VAV2: variants seen among roughly 807,000 people sequenced by gnomAD.
VAV2 encodes the protein vav guanine nucleotide exchange factor 2.
In VAV2, 67 loss-of-function variants were observed where a neutral mutation model predicts 132.5. The ratio of observed to expected loss-of-function variants is 0.51; its 90% CI spans 0.42 to 0.62. VAV2 has a LOEUF of 0.62. VAV2 is among the 20% of genes least tolerant of loss of function. The pLI is 0.00. For synonymous variants in VAV2, 492 were observed against 443.5 expected (o/e 1.11, Z -1.37); for missense variants, 938 against 1,153.6 (o/e 0.81, Z 2.71).
At chr9:133,798,286 T>G (rs942572969) in intron 9 of VAV2, among the ~76,000 whole-genome samples, 2 of 152,150 alleles carry the variant, frequency 1.3e-5, no homozygotes, top group South Asian at 2.1e-4. Flanking sequence ...AGGGTCACCC[T>G]TGTTGCTTCC....
intron 24 of VAV2, among the ~76,000 whole-genome samples, chr9:133,775,384 C>T (rs111677339): frequency 0.013 from 1,971 of 152,280 alleles, 36 homozygotes; most frequent in African/African-American, 0.046. Context: ...AGGAGTTCAG[C>T]GTATTCAGTA....
Position 133,926,913 on chromosome 9 carries a change from C to T in VAV2, c.321+12190G>A, listed in dbSNP as rs1840498562. Among the ~76,000 whole-genome samples the T allele has an allele frequency of 1.3e-5, 2 of 152,216 alleles. No individual in the cohort carries two copies. Among genetic ancestry groups the T allele is most frequent in the Admixed American group, 6.5e-5 (1 of 15,292 alleles). Reference sequence around the variant, plus strand: ...ACTGTGGAGGGATGGGGAGGCCCAGCACCAGCCCTGGCCACAACTATAGCA... The same window carrying T: ...ACTGTGGAGGGATGGGGAGGCCCAGTACCAGCCCTGGCCACAACTATAGCA... On this transcript the variant is annotated intron_variant, in intron 2 of 29. Coordinates refer to ENST00000371850, the MANE Select transcript of VAV2 (RefSeq NM_001134398.2). This position sits in a 1 kb window ranked among gnomAD's most constrained non-coding sequence, Gnocchi z 4.3.
intron 1 of VAV2, among the ~76,000 whole-genome samples, chr9:133,951,639 C>T (rs1841564173): frequency 6.6e-6 from 1 of 152,100 alleles, no homozygotes; most frequent in South Asian, 2.1e-4. Flanking sequence ...AGTTTCCTCA[C>T]CTGTCAAGCA....
intron 3 of VAV2, among the ~76,000 whole-genome samples, chr9:133,836,322 ACCCCGCTGCCAGGACCAGCCCTGGGCTGT>A (rs1836471697): frequency 1.3e-5 from 2 of 150,876 alleles, no homozygotes; most frequent in East Asian, 3.9e-4. Flanking sequence ...GAGGCTTGAA[ACCCCGCTGCCAGGACCAGCCCTGGGCTGT>A]CCCCGCTCCC....
chr9:133,942,160 AC>A (rs1229858120), intron 1 of VAV2, among the ~76,000 whole-genome samples: 1 of 152,194 alleles, frequency 6.6e-6, no homozygotes, highest in Non-Finnish European at 1.5e-5. Context: ...TTACCACAAT[AC>A]AAAGATTAAT....
intron 1 of VAV2, among the ~76,000 whole-genome samples, chr9:133,963,988 G>A (rs1326948909): frequency 7.3e-6 from 1 of 137,042 alleles, no homozygotes; most frequent in Non-Finnish European, 1.6e-5. Flanking sequence ...TAGGTGATAA[G>A]AAGACTAGTA....
intron 2 of VAV2, among the ~76,000 whole-genome samples, chr9:133,874,542 G>A (rs1377426930): frequency 6.6e-6 from 1 of 152,172 alleles, no homozygotes; most frequent in East Asian, 1.9e-4. Context: ...CTGCCTCCAA[G>A]GTACAAGAAT....
intron 1 of VAV2, among the ~76,000 whole-genome samples, chr9:133,958,628 G>A (rs939482142): frequency 4.0e-5 from 6 of 151,032 alleles, no homozygotes; most frequent in African/African-American, 1.5e-4. Context: ...CTGGTTCCCC[G>A]GGCCCCCTTA....
rs772669766 is a variant in VAV2, at chr9:133,806,189, G to A, written c.736-8C>T. On this transcript the variant is annotated splice_region_variant and splice_polypyrimidine_tract_variant and intron_variant, in intron 8 of 29. Coordinates refer to ENST00000371850, the MANE Select transcript of VAV2 (RefSeq NM_001134398.2). ...ATGCACCTTGATCAGGTCCTGGGTT[G>A]AAAACCAGCCGTGAGTGCCTGGCCA... 6.2e-7 allele frequency: 1 copy of A among 1,609,292 alleles called. No homozygotes were observed. Among genetic ancestry groups the A allele is most frequent in the Non-Finnish European group, 8.5e-7 (1 of 1,178,708 alleles).
intron 2 of VAV2, among the ~76,000 whole-genome samples, chr9:133,903,339 C>T: frequency 6.6e-6 from 1 of 152,272 alleles, no homozygotes; most frequent in East Asian, 1.9e-4. Context: ...CTTCCTCTAC[C>T]CCACGCTGGG....
In VAV2 at chr9:133,918,285, G is replaced by A. The variant is rs543755122; in HGVS notation, c.321+20818C>T. On this transcript the variant is annotated intron_variant, in intron 2 of 29. Coordinates refer to ENST00000371850, the MANE Select transcript of VAV2 (RefSeq NM_001134398.2). This position sits in a 1 kb window ranked among gnomAD's most constrained non-coding sequence, Gnocchi z 4.7. ...AACAAAGGAGCGCACTCTCTGCGGC[G>A]GCAGAAAAGCGAACCAGAGAGCAGG... Among the ~76,000 whole-genome samples the A allele has an allele frequency of 3.9e-4, 59 of 152,274 alleles. No individual in the cohort carries two copies. The highest frequency in any genetic ancestry group is 1.3e-3 in the African/African-American group (52 of 41,560).
In VAV2 at chr9:133,863,299, C is replaced by T. The variant is rs917869012; in HGVS notation, c.322-1867G>A. 1.7e-4 allele frequency among the ~76,000 whole-genome samples: 26 copies of T among 152,218 alleles called. No homozygotes were observed. The highest frequency in any genetic ancestry group is 1.2e-4 in the Non-Finnish European group (8 of 68,030). ...TGGCTGATCAATCCCTCCGAGGAGC[C>T]GGGCGCAGGCCCAGAGCCCTCCTCC... On this transcript the variant is annotated intron_variant, in intron 2 of 29. Coordinates refer to ENST00000371850, the MANE Select transcript of VAV2 (RefSeq NM_001134398.2). The surrounding 1 kb of genome is among the most constrained non-coding windows in gnomAD (Gnocchi z 5.0).
intron 2 of VAV2, among the ~76,000 whole-genome samples, chr9:133,933,982 G>A (rs545035836): frequency 6.1e-5 from 9 of 147,858 alleles, no homozygotes; most frequent in African/African-American, 2.2e-4. Flanking sequence ...ATGGAAGGAT[G>A]GGTGAATGGG....
intron 2 of VAV2, among the ~76,000 whole-genome samples, chr9:133,866,833 C>T (rs1057238061): frequency 1.3e-5 from 2 of 151,084 alleles, no homozygotes; most frequent in Non-Finnish European, 2.9e-5. Context: ...GAGGAGCCTG[C>T]CAATTTTGCC....
rs1833358124 is a variant in VAV2, at chr9:133,764,166, G to C, written c.2590-57C>G. On this transcript the variant is annotated intron_variant, in intron 29 of 29. Coordinates refer to ENST00000371850, the MANE Select transcript of VAV2 (RefSeq NM_001134398.2). ...TGTGTGTGTGTGTGTAAGCAGGTGT[G>C]TGCATGTCTATGTTGGGGTGAGGGC... 6.8e-6 allele frequency: 11 copies of C among 1,610,142 alleles called. No individual in the cohort carries two copies. In the South Asian group the frequency reaches 1.2e-4, roughly 18 times the overall value.
intron 4 of VAV2, among the ~76,000 whole-genome samples, chr9:133,815,928 A>C (rs752150292): frequency 5.6e-4 from 85 of 152,296 alleles, no homozygotes; most frequent in Non-Finnish European, 1.0e-3. Flanking sequence ...ATGCTTTTCT[A>C]AAGTGGGTGC....
chr9:133,802,107 C>G lies in VAV2; in HGVS notation c.836+3974G>C, dbSNP rs1474360211. On this transcript the variant is annotated intron_variant, in intron 9 of 29. Transcript: ENST00000371850. This position sits in a 1 kb window ranked among gnomAD's most constrained non-coding sequence, Gnocchi z 5.8. ...TGGGCCACAGAGTCCCCAGGGGGCA[C>G]AGTTTGACTTTTCCCCGAAAAATGG... Among the ~76,000 whole-genome samples the G allele has an allele frequency of 1.3e-5, 2 of 152,110 alleles. No individual in the cohort carries two copies. The highest frequency in any genetic ancestry group is 4.8e-5 in the African/African-American group (2 of 41,404).
chr9:133,867,671 A>G (rs1177256282), intron 2 of VAV2, among the ~76,000 whole-genome samples: 1 of 152,268 alleles, frequency 6.6e-6, no homozygotes, highest in Non-Finnish European at 1.5e-5. Context: ...AGCCCTGTGC[A>G]GTGCTAGACC....
chr9:133,859,590 G>A (rs1837516582), intron 3 of VAV2, among the ~76,000 whole-genome samples: 1 of 151,726 alleles, frequency 6.6e-6, no homozygotes, highest in Admixed American at 6.6e-5. Flanking sequence ...CTGATTTTTT[G>A]TTGCATGAAT....
Sources: allele counts gnomAD v4.1 joint callset (sites outside exome capture counted in the v4.1 genomes callset), GRCh38; gene constraint gnomAD v4.1.1; non-coding constraint Gnocchi (gnomAD v3.1); transcripts MANE v1.5; gene names NCBI Gene and HGNC (gene_info 2026-07-23, HGNC 2026-07-21).